FAM76B: variants seen among roughly 807,000 people sequenced by gnomAD.
FAM76B encodes protein FAM76B.
A neutral mutation model predicts 51.8 loss-of-function variants in FAM76B; 16 were observed. The observed-to-expected ratio is 0.31, with a 90% CI of 0.21 to 0.47. FAM76B has a LOEUF of 0.47. FAM76B is among the 20% of genes least tolerant of loss of function. The pLI is 1.00. For synonymous variants in FAM76B, 166 were observed against 129.5 expected (o/e 1.28, Z -1.91); for missense variants, 342 against 392.6 (o/e 0.87, Z 1.09).
At chr11:95,779,009 A>G in intron 7 of FAM76B, 52 bp from the exon 8 acceptor site, 1 of 1,600,100 alleles carries the variant, frequency 6.2e-7, no homozygotes, top group South Asian at 1.1e-5. Context: ...GAAAATTAGC[A>G]GGTGTTCAAA....
In FAM76B at chr11:95,778,937, G is replaced by C. The variant is rs1860130518; in HGVS notation, c.713C>G (p.Ala238Gly). The change falls in exon 8 of 10, where the codon GCA becomes GGA. Residue 238 changes from alanine (A) to glycine (G), a missense_variant. Ala to Gly is a moderately conservative substitution (Grantham distance 60). Coordinates refer to ENST00000358780, the MANE Select transcript of FAM76B (RefSeq NM_144664.5). ...AAAATTGTCTGTTCCCCCACTATCT[G>C]CTGACTGATTTATAGAGCTACTAAA... ...NGDSSSINQS[A>G]DSGGTDNFVL... The C allele has an allele frequency of 6.2e-7, 1 of 1,609,242 alleles. No individual in the cohort carries two copies. The highest frequency in any genetic ancestry group is 1.1e-5 in the South Asian group (1 of 90,718).
intron 5 of FAM76B, 102 bp from the exon 6 acceptor site, chr11:95,780,028 T>G: frequency 9.0e-7 from 1 of 1,105,628 alleles, no homozygotes; most frequent in South Asian, 1.6e-5. Flanking sequence ...GTTTATAATA[T>G]TTTCTTCAGA....
intron 5 of FAM76B, among the ~76,000 whole-genome samples, chr11:95,781,454 C>T (rs1860263244): frequency 6.6e-6 from 1 of 152,102 alleles, no homozygotes; most frequent in Admixed American, 6.6e-5. Context: ...TGAAGACTTT[C>T]ATTTTCAATA....
intron 4 of FAM76B, among the ~76,000 whole-genome samples, chr11:95,784,469 T>C (rs1441609247): frequency 6.6e-6 from 1 of 152,082 alleles, no homozygotes; most frequent in Admixed American, 6.5e-5. Context: ...GTGATGTGTC[T>C]TAAAGAGAAA....
intron 1 of FAM76B, chr11:95,788,897 G>A (rs760227746): frequency 1.5e-6 from 2 of 1,360,212 alleles, no homozygotes; most frequent in Non-Finnish European, 1.9e-6. Flanking sequence ...AATGGGATGG[G>A]AGGAGCTCCA....
intron 4 of FAM76B, 94 bp downstream of exon 4, chr11:95,786,025 A>G: frequency 6.9e-7 from 1 of 1,443,438 alleles, no homozygotes; most frequent in Non-Finnish European, 9.3e-7. Flanking sequence ...CCTAAAGAAT[A>G]GATCCAGTCT....
chr11:95,787,620 T>C lies in FAM76B; in HGVS notation c.207+4A>G. On this transcript the variant is annotated splice_donor_region_variant and intron_variant, in intron 3 of 9. Transcript: ENST00000358780. ...AATGACATGAAAACATAAGACATAC[T>C]TACCGTCCCAAATTGCTTCACATTT... is the stretch of plus-strand genomic sequence containing the variant. The C allele has an allele frequency of 6.2e-7, 1 of 1,609,932 alleles. No individual in the cohort carries two copies. Among genetic ancestry groups the C allele is most frequent in the Non-Finnish European group, 8.5e-7 (1 of 1,177,286 alleles).
At chr11:95,787,162 A>C (rs1860641110) in intron 3 of FAM76B, among the ~76,000 whole-genome samples, 1 of 152,234 alleles carries the variant, frequency 6.6e-6, no homozygotes, top group African/African-American at 2.4e-5. Context: ...AAATGTTATC[A>C]CCTTTCCATC....
intron 5 of FAM76B, 147 bp downstream of exon 5, chr11:95,782,918 G>A (rs1860352189): frequency 1.1e-6 from 1 of 935,050 alleles, no homozygotes; most frequent in South Asian, 1.7e-5. Flanking sequence ...GAATAAAATG[G>A]AGACACAGCC....
chr11:95,780,879 T>C (rs1417322965), intron 5 of FAM76B, among the ~76,000 whole-genome samples: 1 of 152,024 alleles, frequency 6.6e-6, no homozygotes, highest in African/African-American at 2.4e-5. Context: ...GACATATATA[T>C]ATATACATGT....
intron 9 of FAM76B, among the ~76,000 whole-genome samples, chr11:95,774,159 A>G (rs892461329): frequency 1.3e-5 from 2 of 151,280 alleles, no homozygotes; most frequent in African/African-American, 4.8e-5. Context: ...AGTGGTGGGA[A>G]CTAGTGTAGG....
intron 4 of FAM76B, among the ~76,000 whole-genome samples, chr11:95,785,716 AAC>A (rs958539573): frequency 9.2e-5 from 14 of 152,234 alleles, no homozygotes; most frequent in African/African-American, 3.4e-4. Flanking sequence ...AAAAACAAAC[AAC>A]AGTTTCAAAT....
chr11:95,773,471 A>AC (rs1555035378), intron 9 of FAM76B, among the ~76,000 whole-genome samples: 2 of 150,910 alleles, frequency 1.3e-5, no homozygotes, highest in African/African-American at 4.8e-5. Flanking sequence ...AAAAAAAAAA[A>AC]AAAATCAATG....
chr11:95,781,844 T>TA (rs1038931573), intron 5 of FAM76B, among the ~76,000 whole-genome samples: 66 of 152,238 alleles, frequency 4.3e-4, no homozygotes, highest in African/African-American at 1.5e-3. Context: ...ATGGTAGAAT[T>TA]AAACATCACT....
chr11:95,787,602 T>C, intron 3 of FAM76B, 22 bp downstream of exon 3: 1 of 1,604,966 alleles, frequency 6.2e-7, no homozygotes, highest in Non-Finnish European at 8.5e-7. Flanking sequence ...AACAATGACA[T>C]GAAAACATAA....
chr11:95,773,943 A>C lies in FAM76B; in HGVS notation c.930+1979T>G, dbSNP rs1365494767. On this transcript the variant is annotated intron_variant, in intron 9 of 9. Coordinates refer to ENST00000358780, the MANE Select transcript of FAM76B (RefSeq NM_144664.5). ...AGCAAGATCCATCTTGTGTCACAGG[A>C]TTCAATTCCTTATTACATAAAGATA... Among the ~76,000 whole-genome samples, 7 of 151,216 alleles carry C rather than the reference A, an allele frequency of 4.6e-5. No homozygotes were observed. In the Admixed American group the frequency reaches 4.6e-4, roughly 10 times the overall value.
chr11:95,783,907 C>T (rs1860412308), intron 4 of FAM76B, among the ~76,000 whole-genome samples: 1 of 152,140 alleles, frequency 6.6e-6, no homozygotes, highest in Non-Finnish European at 1.5e-5. Context: ...GACAAGTATC[C>T]TTTTCACAGT....
rs184452361 is a variant in FAM76B at position 95,781,524 on chromosome 11, C to G, written c.563+1541G>C. On this transcript the variant is annotated intron_variant, in intron 5 of 9. Coordinates refer to ENST00000358780, the MANE Select transcript of FAM76B (RefSeq NM_144664.5). ...TTCTTTCAAAAAATTAAGTTGCTGT[C>G]ACATACTTTAGTCTTCACAAACATA... Among the ~76,000 whole-genome samples the G allele has an allele frequency of 9.9e-5, 15 of 152,182 alleles. No homozygotes were observed. The East Asian group carries it at 2.5e-3, about 25-fold the overall frequency.
Position 95,788,540 on chromosome 11 carries a change from A to C in FAM76B, c.111T>G (p.Ile37Met). 3 of 1,612,942 alleles carry C rather than the reference A, an allele frequency of 1.9e-6. No individual in the cohort carries two copies. Among genetic ancestry groups the C allele is most frequent in the Middle Eastern group, 1.7e-4 (1 of 6,058 alleles). Residue 37 changes from isoleucine to methionine, a missense_variant, in exon 2 of 10, where the codon ATT becomes ATG. Physicochemically the swap from Ile to Met is conservative, Grantham distance 10. Transcript: ENST00000358780. ...LCKECRIAHPIVKCTYCRSEF... is the reference protein window; with the variant it reads ...LCKECRIAHPMVKCTYCRSEF... ...CTGATCTGCAGTAAGTACATTTTAC[A>C]ATAGGATGTGCAATCCGACATTCCT...
Sources: gnomAD v4.1 joint callset for allele counts (sites outside exome capture counted in the v4.1 genomes callset) on GRCh38, gnomAD v4.1.1 for gene constraint, MANE v1.5 for transcripts, NCBI Gene and HGNC (gene_info 2026-07-23, HGNC 2026-07-21) for gene names.